The following MYT1L variants were observed in gnomAD, a reference collection of about 807,000 sequenced individuals.
The protein encoded by MYT1L is myelin transcription factor 1-like protein.
Under a neutral mutation model 126.7 loss-of-function variants are expected in MYT1L, and 12 were observed. That is an observed-to-expected ratio of 0.09 (90% CI 0.06 to 0.15). The LOEUF is 0.15. Among genes scored for constraint, MYT1L ranks in the 10% least tolerant of loss-of-function variants. The probability of loss-of-function intolerance (pLI) is 1.00; values close to 1 mark genes in which losing one functional copy is unlikely to be tolerated. For missense variants in MYT1L, 979 were observed against 1,585.2 expected (o/e 0.62, Z 6.49); for synonymous variants, 541 against 604.2 (o/e 0.90, Z 1.53).
At chr2:2,230,469 A>T (rs2094134369) in intron 2 of MYT1L, among the ~76,000 whole-genome samples, 1 of 152,212 alleles carries the variant, frequency 6.6e-6, no homozygotes. Context: ...TCGCCAATGT[A>T]CTTAGAACAC....
intron 2 of MYT1L, among the ~76,000 whole-genome samples, chr2:2,198,978 G>A (rs1274119192): frequency 6.6e-6 from 1 of 152,128 alleles, no homozygotes; most frequent in Non-Finnish European, 1.5e-5. Context: ...ATTACCACGT[G>A]TCAATTATAA....
Position 1,887,582 on chromosome 2 carries a change from C to A in MYT1L, c.2548G>T (p.Ala850Ser), listed in dbSNP as rs777419070. ...CCGGGATACCGTCTTTCTTCTAGAG[C>A]CTCCTGGAATGGGTCCAAGTCTTCT... ...TPEDLDPFQE[A>S]LEERRYPGEV... Residue 850 changes from alanine (A) to serine (S), a missense_variant, in exon 17 of 25, where the codon GCT (alanine) becomes TCT (serine). By Grantham distance (99) the Ala-to-Ser change is moderately conservative. This residue lies in a region of MYT1L where 141 missense variants were observed against 170.6 expected (regional missense o/e 0.83). Coordinates refer to ENST00000647738, the MANE Select transcript of MYT1L (RefSeq NM_001303052.2). The surrounding 1 kb of genome is among the most constrained non-coding windows in gnomAD (Gnocchi z 4.8). 3 of 1,613,870 alleles carry A rather than the reference C, an allele frequency of 1.9e-6. No individual in the cohort carries two copies. The highest frequency in any genetic ancestry group is 2.7e-5 in the African/African-American group (2 of 74,924).
In MYT1L at chr2:1,789,128, G is replaced by C. The variant is rs2031583121; in HGVS notation, c.*2739C>G. The C allele has an allele frequency of 6.6e-6, 1 of 152,224 alleles. No homozygotes were observed. The highest frequency in any genetic ancestry group is 1.5e-5 in the Non-Finnish European group (1 of 68,046). 9.4% of individuals were successfully genotyped at this position (152,224 alleles called of 1,614,324 possible). A position where few individuals can be genotyped will look rare whatever the true frequency, so the allele number is the denominator to read the frequency against. ...CAGACCCGGGTTAGAGATCCTTCGTGCTACAAATGTGGCAACACCTTGTTT... is the reference window on the plus strand; with the variant it reads ...CAGACCCGGGTTAGAGATCCTTCGTCCTACAAATGTGGCAACACCTTGTTT... On this transcript the variant is annotated 3_prime_UTR_variant, in exon 25 of 25. Coordinates refer to ENST00000647738, the MANE Select transcript of MYT1L (RefSeq NM_001303052.2).
chr2:2,234,971 G>C (rs555088564), intron 2 of MYT1L, among the ~76,000 whole-genome samples: 1 of 152,238 alleles, frequency 6.6e-6, no homozygotes, highest in African/African-American at 2.4e-5. Context: ...CTCTCTGCTG[G>C]CTCCTCACCC....
intron 8 of MYT1L, among the ~76,000 whole-genome samples, chr2:1,949,926 T>C (rs1351197444): frequency 6.6e-6 from 1 of 152,356 alleles, no homozygotes; most frequent in Middle Eastern, 3.4e-3. Context: ...AAAACACTTA[T>C]TTTGGAATAA....
At chr2:1,913,071 T>C (rs374039907) in intron 11 of MYT1L, among the ~76,000 whole-genome samples, 1 of 152,132 alleles carries the variant, frequency 6.6e-6, no homozygotes, top group South Asian at 2.1e-4. Flanking sequence ...ACATGGAAGG[T>C]CTATTCAAAA....
chr2:1,898,171 AATAG>A (rs1317681091), intron 14 of MYT1L, among the ~76,000 whole-genome samples: 1 of 149,856 alleles, frequency 6.7e-6, no homozygotes, highest in East Asian at 1.9e-4. Flanking sequence ...TCTTGCAGAG[AATAG>A]ATAAACATGT....
intron 9 of MYT1L, among the ~76,000 whole-genome samples, chr2:1,936,929 C>A (rs1009016543): frequency 2.0e-5 from 3 of 152,190 alleles, no homozygotes; most frequent in African/African-American, 7.2e-5. Flanking sequence ...AAAGAAAACA[C>A]ACCCTGGGAA....
At chr2:2,247,916 A>G (rs747271400) in intron 2 of MYT1L, among the ~76,000 whole-genome samples, 2 of 152,108 alleles carry the variant, frequency 1.3e-5, no homozygotes, top group Non-Finnish European at 2.9e-5. Flanking sequence ...TATAGCTGTA[A>G]GTGCTTACAT....
intron 4 of MYT1L, among the ~76,000 whole-genome samples, chr2:2,050,719 T>C (rs1176317977): frequency 1.3e-5 from 2 of 152,132 alleles, no homozygotes; most frequent in African/African-American, 4.8e-5. Context: ...GGGGGAGCAC[T>C]GCAGGGGAGG....
At chr2:2,081,435 A>G (rs2075813606) in intron 3 of MYT1L, among the ~76,000 whole-genome samples, 1 of 152,204 alleles carries the variant, frequency 6.6e-6, no homozygotes, top group Non-Finnish European at 1.5e-5. Flanking sequence ...TGCTTTCTCA[A>G]TGGTACTGAT....
chr2:1,840,776 C>A lies in MYT1L; in HGVS notation c.2842G>T (p.Asp948Tyr). The A allele has an allele frequency of 6.4e-7, 1 of 1,550,834 alleles. No homozygotes were observed. The highest frequency in any genetic ancestry group is 8.7e-7 in the Non-Finnish European group (1 of 1,146,888). The change falls in exon 20 of 25, where the codon GAT (aspartate) becomes TAT (tyrosine). Residue 948 changes from aspartate (D) to tyrosine (Y), a missense_variant. Coordinates refer to ENST00000647738, the MANE Select transcript of MYT1L (RefSeq NM_001303052.2). Reference protein sequence around the residue: ...RIAQSKEDKEDQEPIRCPVPG... With the variant: ...RIAQSKEDKEYQEPIRCPVPG... ...TGCTCATACCTGATGGGTTCTTGAT[C>A]TTCTTTATCTTCTTTGCTCTGTGCT...
At chr2:2,185,171 C>A (rs74757694) in intron 2 of MYT1L, among the ~76,000 whole-genome samples, 5 of 152,238 alleles carry the variant, frequency 3.3e-5, no homozygotes, top group Admixed American at 3.3e-4. Flanking sequence ...CTCTTATATA[C>A]AAGCCTCCTT....
At chr2:1,856,467 G>A (rs1464031272) in intron 18 of MYT1L, among the ~76,000 whole-genome samples, 1 of 152,158 alleles carries the variant, frequency 6.6e-6, no homozygotes, top group Non-Finnish European at 1.5e-5. Context: ...TCACGCAGCT[G>A]GGACGCTCAC....
intron 4 of MYT1L, among the ~76,000 whole-genome samples, chr2:2,038,497 G>A (rs892274373): frequency 2.0e-5 from 3 of 151,998 alleles, no homozygotes; most frequent in African/African-American, 7.3e-5. Flanking sequence ...CCTCCCTGGC[G>A]TCTCTCCACT....
At chr2:2,215,277 G>T (rs2093646160) in intron 2 of MYT1L, among the ~76,000 whole-genome samples, 1 of 152,138 alleles carries the variant, frequency 6.6e-6, no homozygotes, top group South Asian at 2.1e-4. Flanking sequence ...TAGATACAAT[G>T]TAAGATCTAA....
At chr2:2,060,044 G>T (rs1321888666) in intron 3 of MYT1L, among the ~76,000 whole-genome samples, 2 of 152,216 alleles carry the variant, frequency 1.3e-5, no homozygotes, top group South Asian at 2.1e-4. Context: ...ACTGAAGTTT[G>T]CTCAATTTCA....
At chr2:2,319,900 ATTAT>A (rs2149682690) in intron 1 of MYT1L, among the ~76,000 whole-genome samples, 2 of 152,156 alleles carry the variant, frequency 1.3e-5, no homozygotes, top group East Asian at 3.9e-4. Flanking sequence ...CATTGTATTA[ATTAT>A]TCAGTTATGG....
intron 3 of MYT1L, among the ~76,000 whole-genome samples, chr2:2,101,833 T>TAA (rs1001547323): frequency 2.0e-5 from 3 of 152,256 alleles, no homozygotes; most frequent in African/African-American, 7.2e-5. Flanking sequence ...TCATAAAATG[T>TAA]GCTTGAAATA....
Sources: allele counts gnomAD v4.1 joint callset (sites outside exome capture counted in the v4.1 genomes callset), GRCh38; gene constraint gnomAD v4.1.1; regional missense constraint gnomAD v4.1.1; non-coding constraint Gnocchi (gnomAD v3.1); transcripts MANE v1.5; gene names NCBI Gene and HGNC (gene_info 2026-07-23, HGNC 2026-07-21).